KCNQ3: variants seen among roughly 807,000 people sequenced by gnomAD.
KCNQ3 encodes potassium voltage-gated channel subfamily Q member 3.
A neutral mutation model predicts 92.5 loss-of-function variants in KCNQ3; 30 were observed. The ratio of observed to expected loss-of-function variants is 0.32; its 90% confidence interval spans 0.24 to 0.44. The LOEUF (loss-of-function observed/expected upper bound fraction) is 0.44, where lower values mean the gene tolerates loss of function less well. Among genes scored for constraint, KCNQ3 ranks in the 20% least tolerant of loss-of-function variants. KCNQ3 has a pLI of 1.00. For synonymous variants in KCNQ3, 450 were observed against 468.8 expected (o/e 0.96, Z 0.52); for missense variants, 913 against 1,140.3 (o/e 0.80, Z 2.87).
chr8:132,411,060 G>A (rs1820639531), intron 1 of KCNQ3, among the ~76,000 whole-genome samples: 1 of 152,230 alleles, frequency 6.6e-6, no homozygotes, highest in Non-Finnish European at 1.5e-5. Context: ...GCCAGTTCCT[G>A]GAGCAGGTGC....
At chr8:132,279,513 G>A (rs779733595) in intron 1 of KCNQ3, among the ~76,000 whole-genome samples, 22 of 152,140 alleles carry the variant, frequency 1.4e-4, no homozygotes, top group Non-Finnish European at 2.1e-4. Context: ...ACAAGATTTC[G>A]AATGTTTTTA....
chr8:132,310,364 T>C (rs990687332), intron 1 of KCNQ3, among the ~76,000 whole-genome samples: 4 of 152,238 alleles, frequency 2.6e-5, no homozygotes, highest in Admixed American at 6.5e-5. Context: ...TCTCTCTCTC[T>C]CTGAGCATGA....
chr8:132,216,900 C>T lies in KCNQ3; in HGVS notation c.387-30719G>A, dbSNP rs1278278649. Among the ~76,000 whole-genome samples the T allele has an allele frequency of 2.6e-5, 4 of 151,978 alleles. No homozygotes were observed. The South Asian group carries it at 6.2e-4, about 24-fold the overall frequency. ...CCAATTCCTAAGGAGTCCTGTGAGG[C>T]CACTCTTAAGAGTCTCTGGAATTTT... is the stretch of plus-strand genomic sequence containing the variant. On this transcript the variant is annotated intron_variant, in intron 1 of 14. Transcript: ENST00000388996.
At chr8:132,466,584 C>T (rs568256075) in intron 1 of KCNQ3, among the ~76,000 whole-genome samples, 37 of 152,218 alleles carry the variant, frequency 2.4e-4, no homozygotes, top group African/African-American at 7.9e-4. Context: ...TCATGGTAAC[C>T]TGCTTAATGA....
At chr8:132,165,743 C>T (rs1248484036) in intron 8 of KCNQ3, among the ~76,000 whole-genome samples, 4 of 152,234 alleles carry the variant, frequency 2.6e-5, no homozygotes, top group Non-Finnish European at 5.9e-5. Context: ...GGTTTTGGCA[C>T]AAGACCTGAG....
At chr8:132,402,190 T>C (rs1820355975) in intron 1 of KCNQ3, among the ~76,000 whole-genome samples, 1 of 152,202 alleles carries the variant, frequency 6.6e-6, no homozygotes, top group South Asian at 2.1e-4. Context: ...GCCACAGCAC[T>C]TCCATCTTGC....
At chr8:132,433,576 T>G (rs1348185826) in intron 1 of KCNQ3, among the ~76,000 whole-genome samples, 1 of 152,232 alleles carries the variant, frequency 6.6e-6, no homozygotes, top group Non-Finnish European at 1.5e-5. Flanking sequence ...TGCTTTATTT[T>G]TGTTAGTATA....
In KCNQ3 at chr8:132,129,499, C is replaced by G. The variant is rs767575527; in HGVS notation, c.2382G>C (p.Ser794=). The change falls in exon 15 of 15, where the codon TCG becomes TCC. Residue 794 remains serine, a synonymous_variant. Transcript: ENST00000388996. This position sits in a 1 kb window ranked among gnomAD's most constrained non-coding sequence, Gnocchi z 5.9. Reference sequence around the variant, plus strand: ...ACCTCTCCAGCTCCTCGTGGTTGACCGACATCAGGGACAGAGGTGTGTCAC... The same window carrying G: ...ACCTCTCCAGCTCCTCGTGGTTGACGGACATCAGGGACAGAGGTGTGTCAC... ...RDSDTPLSLM[S]VNHEELERSP... 1 of 1,614,152 alleles carries G rather than the reference C, an allele frequency of 6.2e-7. No individual in the cohort carries two copies. The highest frequency in any genetic ancestry group is 1.3e-5 in the African/African-American group (1 of 75,030).
At chr8:132,357,113 C>T (rs774308635) in intron 1 of KCNQ3, among the ~76,000 whole-genome samples, 10 of 152,152 alleles carry the variant, frequency 6.6e-5, no homozygotes, top group Non-Finnish European at 1.2e-4. Flanking sequence ...GATGATCATC[C>T]CTTTCTAAAT....
At chr8:132,360,811 C>A (rs4736574) in intron 1 of KCNQ3, among the ~76,000 whole-genome samples, 36,615 of 152,106 alleles carry the variant, frequency 0.24, 4,857 homozygotes, top group East Asian at 0.43. Context: ...ATAAGTGTCA[C>A]GAAGGTATAA....
Position 132,338,842 on chromosome 8 carries a change from T to C in KCNQ3, c.386+141305A>G, listed in dbSNP as rs899080853. ...AAGGGATGTTGAGACCTCATGGATA[T>C]GTGAACTCCAAGACCTCCATCACCT... On this transcript the variant is annotated intron_variant, in intron 1 of 14. Coordinates refer to ENST00000388996, the MANE Select transcript of KCNQ3 (RefSeq NM_004519.4). 4.6e-5 allele frequency among the ~76,000 whole-genome samples: 7 copies of C among 152,342 alleles called. No individual in the cohort carries two copies. The South Asian group carries it at 6.2e-4, about 14-fold the overall frequency.
chr8:132,360,304 T>C (rs1352834445), intron 1 of KCNQ3, among the ~76,000 whole-genome samples: 1 of 152,216 alleles, frequency 6.6e-6, no homozygotes, highest in African/African-American at 2.4e-5. Context: ...CCCCTTCTTC[T>C]ATGCCCCCTT....
At position 132,387,210 on chromosome 8, in the gene KCNQ3, G is replaced by A. The variant is rs141529832; in HGVS notation, c.386+92937C>T. Among the ~76,000 whole-genome samples the A allele has an allele frequency of 4.9e-3, 743 of 152,264 alleles. 5 individuals are homozygous for A. The highest frequency in any genetic ancestry group is 0.017 in the African/African-American group (687 of 41,560). ...CAAATAGGATAGCATAATTCAAGAC[G>A]TCTGAAAATAGGGCTCATGCCAAGA... On this transcript the variant is annotated intron_variant, in intron 1 of 14. Transcript: ENST00000388996.
At chr8:132,311,378 T>TG (rs199712986) in intron 1 of KCNQ3, among the ~76,000 whole-genome samples, 3 of 320 alleles carry the variant, frequency 9.4e-3, no homozygotes, top group Non-Finnish European at 0.019. Flanking sequence ...AAAGAGATTG[T>TG]CCCGTTTACT....
intron 12 of KCNQ3, among the ~76,000 whole-genome samples, chr8:132,134,888 AC>A (rs1399657048): frequency 4.6e-5 from 7 of 151,980 alleles, no homozygotes; most frequent in Non-Finnish European, 8.8e-5. Flanking sequence ...TGCACACATC[AC>A]TGCTGCTCTG....
intron 1 of KCNQ3, among the ~76,000 whole-genome samples, chr8:132,390,111 G>A (rs1353560100): frequency 6.6e-6 from 1 of 152,126 alleles, no homozygotes; most frequent in Non-Finnish European, 1.5e-5. Flanking sequence ...GCAACAACAT[G>A]GATACAACTC....
At chr8:132,432,152 A>AG (rs1821268534) in intron 1 of KCNQ3, among the ~76,000 whole-genome samples, 1 of 152,164 alleles carries the variant, frequency 6.6e-6, no homozygotes, top group Non-Finnish European at 1.5e-5. Context: ...TCACATCCCC[A>AG]GGGGACCACT....
chr8:132,247,942 A>T (rs1394860778), intron 1 of KCNQ3, among the ~76,000 whole-genome samples: 2 of 150,302 alleles, frequency 1.3e-5, no homozygotes, highest in East Asian at 4.0e-4. Context: ...AGCTCACTTA[A>T]TCCTAATCAA....
chr8:132,177,186 A>G (rs1287132247), intron 4 of KCNQ3, among the ~76,000 whole-genome samples: 1 of 152,252 alleles, frequency 6.6e-6, no homozygotes, highest in African/African-American at 2.4e-5. Flanking sequence ...CTGTGTGCAC[A>G]TAAAAACTGA....
Sources: gnomAD v4.1 joint callset for allele counts (sites outside exome capture counted in the v4.1 genomes callset) on GRCh38, gnomAD v4.1.1 for gene constraint, Gnocchi (gnomAD v3.1) non-coding constraint, MANE v1.5 for transcripts, NCBI Gene and HGNC (gene_info 2026-07-23, HGNC 2026-07-21) for gene names.